Variants in TIPIN observed in about 807,000 individuals in gnomAD.
The protein encoded by TIPIN is TIMELESS-interacting protein.
In TIPIN, 29 loss-of-function variants were observed where a neutral mutation model predicts 35.6. The observed-to-expected ratio is 0.82, with a 90% CI of 0.61 to 1.11. TIPIN has a LOEUF of 1.11. Ranked by LOEUF, TIPIN falls within the 50% of genes most tolerant of loss-of-function variation. The probability of loss-of-function intolerance (pLI) is 0.00; values close to 1 mark genes in which losing one functional copy is unlikely to be tolerated. For missense variants in TIPIN, 296 were observed against 345.4 expected (o/e 0.86, Z 1.13); for synonymous variants, 102 against 121.5 (o/e 0.84, Z 1.06).
chr15:66,336,511 G>C lies in TIPIN; in HGVS notation c.*447C>G, dbSNP rs543553506. ...AGAGGTTGCAGTGAGCCAAGACTGTGCCACTGCACTCCAGCCTGGCCAACA... is the reference window on the plus strand; with the variant it reads ...AGAGGTTGCAGTGAGCCAAGACTGTCCCACTGCACTCCAGCCTGGCCAACA... On this transcript the variant is annotated 3_prime_UTR_variant, in exon 8 of 8. Coordinates refer to ENST00000261881, the MANE Select transcript of TIPIN (RefSeq NM_017858.3). The C allele has an allele frequency of 1.2e-5, 2 of 168,096 alleles. No individual in the cohort carries two copies. The highest frequency in any genetic ancestry group is 4.8e-5 in the African/African-American group (2 of 41,784). 10.4% of individuals were successfully genotyped at this position (168,096 alleles called of 1,614,324 possible). A position where few individuals can be genotyped will look rare whatever the true frequency, so the allele number is the denominator to read the frequency against.
In TIPIN at chr15:66,352,134, A is replaced by T. The variant is rs1308883919; in HGVS notation, c.207T>A (p.Ala69=). ...TAAGAATATAGTAAATGTACCTCTG[A>T]GCATCCAGCTTGGGTATATTTCTTT... ...TVKRNIPKLD[A]QRLISERGLP... The change falls in exon 3 of 8, where the codon GCT becomes GCA. Residue 69 remains alanine, a synonymous_variant. Transcript: ENST00000261881. The T allele has an allele frequency of 6.2e-7, 1 of 1,601,652 alleles. No individual in the cohort carries two copies. The highest frequency in any genetic ancestry group is 8.5e-7 in the Non-Finnish European group (1 of 1,173,132).
chr15:66,340,230 T>G (rs866146322), intron 7 of TIPIN, among the ~76,000 whole-genome samples: 9 of 123,390 alleles, frequency 7.3e-5, no homozygotes, highest in South Asian at 2.7e-4. Flanking sequence ...CAGGCTGGAG[T>G]GCAATGGGTT....
chr15:66,382,966 A>C, intron 1 of TIPIN: 1 of 985,426 alleles, frequency 1.0e-6, no homozygotes, highest in Non-Finnish European at 1.2e-6. Flanking sequence ...TGAGGAAAAC[A>C]AATTCTCCTA....
chr15:66,336,934 G>A lies in TIPIN; in HGVS notation c.*24C>T. On this transcript the variant is annotated 3_prime_UTR_variant, in exon 8 of 8. Transcript: ENST00000261881. ...AAGCTTGCAGGACGATGACTTAACAGATACATTTTCTCTTAATGGAAACTT... is the reference window on the plus strand; with the variant it reads ...AAGCTTGCAGGACGATGACTTAACAAATACATTTTCTCTTAATGGAAACTT... 6.3e-7 allele frequency: 1 copy of A among 1,596,548 alleles called. No individual in the cohort carries two copies. The highest frequency in any genetic ancestry group is 8.6e-7 in the Non-Finnish European group (1 of 1,166,864).
At chr15:66,351,389 T>C (rs1259614303) in intron 4 of TIPIN, 136 bp downstream of exon 4, 1 of 708,892 alleles carries the variant, frequency 1.4e-6, no homozygotes, top group African/African-American at 1.8e-5. Context: ...TTCTAGTACA[T>C]CACAACTGTT....
At chr15:66,351,640 T>TC in intron 3 of TIPIN, 40 bp from the exon 4 acceptor site, 5 of 1,325,896 alleles carry the variant, frequency 3.8e-6, no homozygotes, top group South Asian at 2.6e-5. Flanking sequence ...AGTTTTATTT[T>TC]CTTTTTTTTT....
chr15:66,347,548 A>G (rs1372850653), intron 6 of TIPIN, among the ~76,000 whole-genome samples: 1 of 152,144 alleles, frequency 6.6e-6, no homozygotes, highest in African/African-American at 2.4e-5. Flanking sequence ...TTCATATTCT[A>G]CAACAAATTT....
rs142383672 is a variant in TIPIN at position 66,340,048 on chromosome 15, A to G, written c.682+1102T>C. On this transcript the variant is annotated intron_variant, in intron 7 of 7. Transcript: ENST00000261881. Reference sequence around the variant, plus strand: ...ACCACCATGCCCGGCAAATTTTTGTATTTTTAGTAGAGACGGGTTTTCACC... The same window carrying G: ...ACCACCATGCCCGGCAAATTTTTGTGTTTTTAGTAGAGACGGGTTTTCACC... 9.9e-3 allele frequency among the ~76,000 whole-genome samples: 1,477 copies of G among 149,376 alleles called. 54 individuals carry two copies. The highest frequency in any genetic ancestry group is 0.063 in the Admixed American group (934 of 14,888).
At chr15:66,350,388 C>A (rs2093159159) in intron 4 of TIPIN, among the ~76,000 whole-genome samples, 1 of 141,440 alleles carries the variant, frequency 7.1e-6, no homozygotes, top group Non-Finnish European at 1.6e-5. Flanking sequence ...GGTGGATGAC[C>A]TGAGTCAGGA....
chr15:66,382,448 G>A lies in TIPIN; in HGVS notation c.-9+4159C>T, dbSNP rs2093321738. 5 of 892,480 alleles carry A rather than the reference G, an allele frequency of 5.6e-6. No individual in the cohort carries two copies. In the South Asian group the frequency reaches 1.5e-4, roughly 28 times the overall value. The allele number at this position is 892,480 out of a possible 1,614,324, so 55.3% of individuals were successfully genotyped here. ...TTCCAGGCTGGTGTGCAAGATCATG[G>A]CTCACTGCAGCCTTGACTTCGGCTC... On this transcript the variant is annotated intron_variant, in intron 1 of 7. Transcript: ENST00000562124.
intron 1 of TIPIN, among the ~76,000 whole-genome samples, chr15:66,372,211 G>T (rs953706208): frequency 6.6e-5 from 10 of 152,144 alleles, no homozygotes; most frequent in African/African-American, 1.9e-4. Flanking sequence ...CACCCAGAAA[G>T]CCCCCTTCAT....
At chr15:66,351,127 C>A (rs1038220738) in intron 4 of TIPIN, among the ~76,000 whole-genome samples, 2 of 152,090 alleles carry the variant, frequency 1.3e-5, no homozygotes, top group African/African-American at 2.4e-5. Context: ...TTTAACCACA[C>A]TTTACTGACA....
chr15:66,356,334 G>A (rs560356097), intron 1 of TIPIN, among the ~76,000 whole-genome samples: 7 of 152,204 alleles, frequency 4.6e-5, no homozygotes, highest in African/African-American at 1.7e-4. Flanking sequence ...TTCGCTGGGG[G>A]ATTTCTACAT....
At chr15:66,377,668 TTTG>T (rs952706893) in intron 1 of TIPIN, among the ~76,000 whole-genome samples, 6 of 151,232 alleles carry the variant, frequency 4.0e-5, no homozygotes, top group Non-Finnish European at 8.9e-5. Flanking sequence ...TGGGTTTTTT[TTTG>T]TTTGTTTTGT....
intron 6 of TIPIN, chr15:66,347,183 T>TA (rs1234142202): frequency 2.0e-6 from 1 of 495,804 alleles, no homozygotes; most frequent in Non-Finnish European, 4.0e-6. Flanking sequence ...CCACATCTGT[T>TA]AAAAGTTAAA....
At chr15:66,350,745 C>T (rs1461986277) in intron 4 of TIPIN, among the ~76,000 whole-genome samples, 3 of 151,018 alleles carry the variant, frequency 2.0e-5, no homozygotes, top group South Asian at 2.1e-4. Context: ...CTGGCTAACA[C>T]GGTGAAACCC....
intron 1 of TIPIN, 92 bp downstream of exon 1, chr15:66,356,547 G>GTCTGGCTCCCTGGCTCTTCCA (rs1288732026): frequency 2.3e-5 from 22 of 938,820 alleles, no homozygotes; most frequent in East Asian, 1.2e-4. Flanking sequence ...CCGCTAGTCT[G>GTCTGGCTCCCTGGCTCTTCCA]TCTGGCTCCC....
intron 1 of TIPIN, among the ~76,000 whole-genome samples, chr15:66,380,540 C>G (rs763110194): frequency 1.3e-5 from 2 of 152,012 alleles, no homozygotes; most frequent in Non-Finnish European, 2.9e-5. Context: ...CTGGGCCAGG[C>G]GCGGTGGCTC....
At chr15:66,348,488 G>C (rs2093143000) in intron 6 of TIPIN, 2 of 143,230 alleles carry the variant, frequency 1.4e-5, no homozygotes, top group South Asian at 4.3e-4. Context: ...TGGCCAACAT[G>C]GTGAAACCCC....
Sources: allele counts gnomAD v4.1 joint callset (sites outside exome capture counted in the v4.1 genomes callset), GRCh38; gene constraint gnomAD v4.1.1; transcripts MANE v1.5; gene names NCBI Gene and HGNC (gene_info 2026-07-23, HGNC 2026-07-21).